Variants in SEL1L2 observed in about 807,000 individuals in gnomAD.
The protein encoded by SEL1L2 is protein sel-1 homolog 2.
A neutral mutation model predicts 98.8 loss-of-function variants in SEL1L2; 89 were observed. The ratio of observed to expected loss-of-function variants is 0.90; its 90% CI spans 0.76 to 1.07. The LOEUF is 1.07. SEL1L2 is among the 50% of genes least tolerant of loss of function. SEL1L2 has a pLI of 0.00. For missense variants in SEL1L2, 788 were observed against 812.0 expected (o/e 0.97, Z 0.36); for synonymous variants, 262 against 278.5 (o/e 0.94, Z 0.59).
rs200683153 is a variant in SEL1L2, at chr20:13,877,553, G to A, written c.993C>T (p.Ala331=). The A allele has an allele frequency of 6.2e-6, 10 of 1,613,134 alleles. No homozygotes were observed. Among genetic ancestry groups the A allele is most frequent in the East Asian group, 2.2e-5 (1 of 44,866 alleles). Residue 331 remains alanine, a synonymous_variant, in exon 11 of 20, where the codon GCC becomes GCT. Transcript: ENST00000284951. ...ALHYFLKAAK[A]GSANAMAFIG... is the part of the protein sequence containing the mutation. Reference sequence around the variant, plus strand: ...TAAATGCCATGGCATTTGCACTCCCGGCCTTTGCTGCCTTTAAGAAGTAGT... The same window carrying A: ...TAAATGCCATGGCATTTGCACTCCCAGCCTTTGCTGCCTTTAAGAAGTAGT...
chr20:13,970,880 CCTATATATATTA>C (rs1434866434), intron 1 of SEL1L2, among the ~76,000 whole-genome samples: 2 of 148,834 alleles, frequency 1.3e-5, no homozygotes, highest in Admixed American at 6.7e-5. Flanking sequence ...AATTAATATT[CCTATATATATTA>C]CTATATATAT....
rs1341914436 is a variant in SEL1L2 at position 13,859,383 on chromosome 20, C to T, written c.1697G>A (p.Gly566Glu). 1.9e-6 allele frequency: 3 copies of T among 1,614,000 alleles called. No homozygotes were observed. Among genetic ancestry groups the T allele is most frequent in the Admixed American group, 1.7e-5 (1 of 60,010 alleles). The change falls in exon 18 of 20, where the codon GGG (glycine) becomes GAG (glutamate). Residue 566 changes from glycine (G) to glutamate (E), a missense_variant. Physicochemically the swap from Gly to Glu is moderately conservative, Grantham distance 98. Coordinates refer to ENST00000284951, the MANE Select transcript of SEL1L2 (RefSeq NM_025229.2). ...KIGDYHYYGY[G>E]TKKDYQTAAT... ...TGCTGTTTGATAGTCTTTCTTAGTC[C>T]CATAGCCATAGTAATGGTAATCTCC...
At chr20:13,955,082 T>C (rs895720991) in intron 2 of SEL1L2, among the ~76,000 whole-genome samples, 11 of 152,190 alleles carry the variant, frequency 7.2e-5, no homozygotes, top group African/African-American at 2.4e-4. Flanking sequence ...TAAACATTTA[T>C]TGAGTGTCTG....
chr20:13,882,146 T>A (rs1010792379), intron 10 of SEL1L2, among the ~76,000 whole-genome samples: 5 of 152,166 alleles, frequency 3.3e-5, no homozygotes, highest in African/African-American at 1.2e-4. Context: ...GAAAACATTA[T>A]CCTGTCTGAG....
intron 1 of SEL1L2, among the ~76,000 whole-genome samples, chr20:13,971,093 C>T (rs548008318): frequency 8.2e-5 from 12 of 146,012 alleles, no homozygotes; most frequent in Non-Finnish European, 1.4e-4. Flanking sequence ...AAGGAACTGA[C>T]TGTTAGGTCA....
chr20:13,911,220 T>C (rs2048192779), intron 5 of SEL1L2, among the ~76,000 whole-genome samples: 1 of 152,270 alleles, frequency 6.6e-6, no homozygotes, highest in Non-Finnish European at 1.5e-5. Flanking sequence ...CAGGTTGACC[T>C]AGGAGGACTC....
intron 2 of SEL1L2, among the ~76,000 whole-genome samples, chr20:13,938,785 T>C (rs1205411418): frequency 6.6e-6 from 1 of 152,140 alleles, no homozygotes; most frequent in Admixed American, 6.5e-5. Context: ...AGTTAATACA[T>C]GTGAAGAGCT....
intron 1 of SEL1L2, among the ~76,000 whole-genome samples, chr20:13,984,259 G>A (rs1569088469): frequency 1.3e-5 from 2 of 152,176 alleles, no homozygotes; most frequent in African/African-American, 2.4e-5. Flanking sequence ...TGATCTGCCC[G>A]CCTTGGCCTC....
intron 9 of SEL1L2, 116 bp downstream of exon 9, chr20:13,886,172 G>T (rs557339017): frequency 1.1e-5 from 7 of 616,490 alleles, no homozygotes; most frequent in Non-Finnish European, 1.8e-5. Flanking sequence ...AGGAGGGCGG[G>T]TCTCCCCCCA....
chr20:13,986,015 C>A (rs549908152), intron 1 of SEL1L2, among the ~76,000 whole-genome samples: 93 of 152,240 alleles, frequency 6.1e-4, no homozygotes, highest in Non-Finnish European at 2.5e-4. Context: ...GGATATACCA[C>A]GTTTTGTTGA....
At chr20:13,864,779 T>G (rs1990733196) in intron 17 of SEL1L2, among the ~76,000 whole-genome samples, 1 of 152,200 alleles carries the variant, frequency 6.6e-6, no homozygotes, top group African/African-American at 2.4e-5. Context: ...ATAACTAATT[T>G]TGCTTGTAAA....
rs563018041 is a variant in SEL1L2 at position 13,918,492 on chromosome 20, C to T, written c.386+529G>A. On this transcript the variant is annotated intron_variant, in intron 4 of 19. Coordinates refer to ENST00000284951, the MANE Select transcript of SEL1L2 (RefSeq NM_025229.2). Reference sequence around the variant, plus strand: ...TGGCCACAGCTTGGTCACCTCCCAGCTATCTGTGCTCACCTCACTTTAACA... The same window carrying T: ...TGGCCACAGCTTGGTCACCTCCCAGTTATCTGTGCTCACCTCACTTTAACA... 3.3e-4 allele frequency among the ~76,000 whole-genome samples: 50 copies of T among 152,302 alleles called. 1 individual carries two copies. The South Asian group carries it at 5.6e-3, about 17-fold the overall frequency.
rs2048538948 is a variant in SEL1L2, at chr20:13,919,116, C to T, written c.291G>A (p.Lys97=). ...CATCTGTAAAATTTTTCTCTGCTTG[C>T]TTTTGTACTATACATGAACAAACAA... The part of the protein sequence containing the change: ...ILKRNKNHLQ[K]QAEKNFTDEG... The change falls in exon 4 of 20, where the codon AAG becomes AAA. Residue 97 remains lysine, a synonymous_variant. Coordinates refer to ENST00000284951, the MANE Select transcript of SEL1L2 (RefSeq NM_025229.2). The T allele has an allele frequency of 1.9e-6, 3 of 1,595,086 alleles. No homozygotes were observed. The highest frequency in any genetic ancestry group is 1.7e-6 in the Non-Finnish European group (2 of 1,163,966).
chr20:13,957,290 G>T (rs1257988752), intron 1 of SEL1L2, among the ~76,000 whole-genome samples: 1 of 151,972 alleles, frequency 6.6e-6, no homozygotes, highest in African/African-American at 2.4e-5. Context: ...CAGTGGAGGT[G>T]GTGTTTTTGC....
intron 17 of SEL1L2, among the ~76,000 whole-genome samples, chr20:13,864,850 T>C (rs1364765430): frequency 1.3e-5 from 2 of 152,174 alleles, no homozygotes; most frequent in Admixed American, 6.5e-5. Context: ...AATGAATGAG[T>C]GAAGCCAGAC....
intron 5 of SEL1L2, among the ~76,000 whole-genome samples, chr20:13,890,575 A>G (rs1457581623): frequency 1.4e-4 from 21 of 152,176 alleles, no homozygotes; most frequent in Admixed American, 1.3e-3. Context: ...TTTTAAGTGC[A>G]CAAATCGTAG....
At chr20:13,957,534 G>A (rs1240919359) in intron 1 of SEL1L2, among the ~76,000 whole-genome samples, 1 of 152,172 alleles carries the variant, frequency 6.6e-6, no homozygotes, top group East Asian at 1.9e-4. Context: ...GTCCCAGATT[G>A]ATTCATATTT....
intron 1 of SEL1L2, among the ~76,000 whole-genome samples, chr20:13,964,876 T>C (rs1020151302): frequency 6.6e-6 from 1 of 152,184 alleles, no homozygotes; most frequent in African/African-American, 2.4e-5. Context: ...CCCAGACATA[T>C]TTGCTTAGCT....
chr20:13,867,630 C>T (rs1200933964), intron 14 of SEL1L2, among the ~76,000 whole-genome samples: 2 of 152,282 alleles, frequency 1.3e-5, no homozygotes, highest in Middle Eastern at 3.4e-3. Context: ...GCTTAGTTTG[C>T]TCATCACAGT....
Sources: gnomAD v4.1 joint callset for allele counts (sites outside exome capture counted in the v4.1 genomes callset) on GRCh38, gnomAD v4.1.1 for gene constraint, MANE v1.5 for transcripts, NCBI Gene and HGNC (gene_info 2026-07-23, HGNC 2026-07-21) for gene names.